Variants in CDH13 observed in about 807,000 individuals in gnomAD.
CDH13 encodes the protein cadherin-13.
In CDH13, 24 loss-of-function variants were observed where a neutral mutation model predicts 63.8. That is an observed-to-expected ratio of 0.38 (90% CI 0.27 to 0.53). The LOEUF (loss-of-function observed/expected upper bound fraction) is 0.53, where lower values mean the gene tolerates loss of function less well. Among genes scored for constraint, CDH13 ranks in the 20% least tolerant of loss-of-function variants. The probability of loss-of-function intolerance (pLI) is 0.85; values close to 1 mark genes in which losing one functional copy is unlikely to be tolerated. For synonymous variants in CDH13, 503 were observed against 355.3 expected, an observed-to-expected ratio of 1.42 and a Z score of -4.67; for missense variants, 1,049 against 903.1, an observed-to-expected ratio of 1.16 and a Z score of -2.07.
At chr16:83,377,131 A>G (rs2091474305) in intron 6 of CDH13, among the ~76,000 whole-genome samples, 1 of 152,210 alleles carries the variant, frequency 6.6e-6, no homozygotes, top group South Asian at 2.1e-4. Context: ...TCCTTCCTGA[A>G]TCCCTAACCC....
At chr16:83,585,423 G>C (rs890267000) in intron 7 of CDH13, among the ~76,000 whole-genome samples, 1 of 152,124 alleles carries the variant, frequency 6.6e-6, no homozygotes, top group Admixed American at 6.5e-5. Context: ...GAGGAGGCTT[G>C]ACACGAGGGG....
At chr16:83,327,122 C>T (rs1369593231) in intron 5 of CDH13, among the ~76,000 whole-genome samples, 1 of 152,214 alleles carries the variant, frequency 6.6e-6, no homozygotes, top group Admixed American at 6.5e-5. Context: ...GATGGAATCA[C>T]TTCAGTGAGC....
chr16:82,970,717 G>A (rs1459131650), intron 2 of CDH13, among the ~76,000 whole-genome samples: 2 of 151,982 alleles, frequency 1.3e-5, no homozygotes, highest in African/African-American at 4.8e-5. Context: ...TGAGTGTAAG[G>A]CAGAGCTCCT....
intron 8 of CDH13, among the ~76,000 whole-genome samples, chr16:83,615,702 C>A (rs1274589200): frequency 6.6e-6 from 1 of 152,188 alleles, no homozygotes; most frequent in African/African-American, 2.4e-5. Flanking sequence ...TGCATGGGTA[C>A]TAGCAGTTTC....
At chr16:83,235,298 G>A (rs2040111904) in intron 5 of CDH13, among the ~76,000 whole-genome samples, 1 of 152,144 alleles carries the variant, frequency 6.6e-6, no homozygotes, top group Admixed American at 6.5e-5. Context: ...AGAGAATGAC[G>A]CAGGTCCGAG....
intron 1 of CDH13, among the ~76,000 whole-genome samples, chr16:82,858,058 T>G (rs986913782): frequency 1.3e-5 from 2 of 152,218 alleles, no homozygotes; most frequent in African/African-American, 4.8e-5. Flanking sequence ...AATTGACAGT[T>G]TCTGTAATAA....
intron 10 of CDH13, among the ~76,000 whole-genome samples, chr16:83,743,227 GCAAA>G (rs1160974413): frequency 1.3e-5 from 2 of 150,986 alleles, no homozygotes; most frequent in East Asian, 1.9e-4. Context: ...AATAAAATAA[GCAAA>G]CAGAGGGGAG....
intron 7 of CDH13, among the ~76,000 whole-genome samples, chr16:83,519,168 G>A (rs969321997): frequency 1.3e-5 from 2 of 152,172 alleles, no homozygotes; most frequent in Non-Finnish European, 2.9e-5. Flanking sequence ...TTTTAGTTAG[G>A]TTAGGAGGCA....
chr16:83,095,335 C>T (rs765793578), intron 3 of CDH13, among the ~76,000 whole-genome samples: 6 of 152,138 alleles, frequency 3.9e-5, no homozygotes, highest in East Asian at 1.9e-4. Context: ...ATTCCAGGTA[C>T]GGACAAAAAA....
At chr16:82,964,863 A>G (rs1347787674) in intron 2 of CDH13, among the ~76,000 whole-genome samples, 1 of 152,178 alleles carries the variant, frequency 6.6e-6, no homozygotes, top group Non-Finnish European at 1.5e-5. Flanking sequence ...TGTCCTGGTT[A>G]GGACATGGTG....
chr16:82,731,945 G>A (rs970682979), intron 1 of CDH13, among the ~76,000 whole-genome samples: 1 of 152,068 alleles, frequency 6.6e-6, no homozygotes, highest in Non-Finnish European at 1.5e-5. Context: ...CCTTTGAGTG[G>A]TTCCTCCACC....
chr16:83,056,401 T>C (rs1044014430), intron 3 of CDH13, among the ~76,000 whole-genome samples: 1 of 151,566 alleles, frequency 6.6e-6, no homozygotes, highest in Non-Finnish European at 1.5e-5. Flanking sequence ...AACTCAAAAG[T>C]CCATCAAGGG....
intron 8 of CDH13, among the ~76,000 whole-genome samples, chr16:83,661,724 G>C (rs1567493986): frequency 6.6e-6 from 1 of 152,178 alleles, no homozygotes; most frequent in African/African-American, 2.4e-5. Context: ...GTCACTGGAA[G>C]GTGGACTGTG....
intron 7 of CDH13, among the ~76,000 whole-genome samples, chr16:83,532,138 C>T (rs1027749530): frequency 6.6e-6 from 1 of 152,152 alleles, no homozygotes; most frequent in Non-Finnish European, 1.5e-5. Flanking sequence ...ATGTGCCTTT[C>T]ACCTGCTGCC....
intron 7 of CDH13, among the ~76,000 whole-genome samples, chr16:83,526,177 G>T (rs1023058065): frequency 6.6e-6 from 1 of 152,188 alleles, no homozygotes; most frequent in African/African-American, 2.4e-5. Context: ...CAGCTTCAAA[G>T]GTCAGCCAGT....
chr16:82,648,611 T>G lies in CDH13; in HGVS notation c.45+21474T>G, dbSNP rs555408812. Among the ~76,000 whole-genome samples the G allele has an allele frequency of 5.1e-4, 77 of 152,166 alleles. 1 individual carries two copies. The South Asian group carries it at 0.015, about 29-fold the overall frequency. ...GCCTCTAAATAAAGAAAAAGAAGGG[T>G]GGAATCTGAAAGGAATTTATCAAAA... On this transcript the variant is annotated intron_variant, in intron 1 of 13. Coordinates refer to ENST00000567109, the MANE Select transcript of CDH13 (RefSeq NM_001257.5).
At chr16:83,425,975 A>G (rs543672700) in intron 6 of CDH13, among the ~76,000 whole-genome samples, 1 of 152,330 alleles carries the variant, frequency 6.6e-6, no homozygotes, top group Admixed American at 6.5e-5. Context: ...TTAAAATGAG[A>G]TATATAGTAA....
chr16:83,166,131 C>G (rs1413845236), intron 4 of CDH13, among the ~76,000 whole-genome samples: 1 of 152,092 alleles, frequency 6.6e-6, no homozygotes, highest in Non-Finnish European at 1.5e-5. Context: ...AGGTTTTAAA[C>G]AGTAGTTTGG....
At chr16:82,709,502 C>G (rs1289875251) in intron 1 of CDH13, among the ~76,000 whole-genome samples, 5 of 152,138 alleles carry the variant, frequency 3.3e-5, no homozygotes, top group Non-Finnish European at 7.3e-5. Context: ...GGATGTAACT[C>G]TAGGCTGGTT....
Sources: gnomAD v4.1 joint callset for allele counts (sites outside exome capture counted in the v4.1 genomes callset) on GRCh38, gnomAD v4.1.1 for gene constraint, MANE v1.5 for transcripts, NCBI Gene and HGNC (gene_info 2026-07-23, HGNC 2026-07-21) for gene names.